Variants in MVB12B observed in about 807,000 individuals in gnomAD.
MVB12B encodes ESCRT-I complex subunit MVB12B.
A neutral mutation model predicts 41.6 loss-of-function variants in MVB12B; 16 were observed. The observed-to-expected ratio is 0.38, with a 90% confidence interval of 0.26 to 0.58. The LOEUF is 0.58. Among genes scored for constraint, MVB12B ranks in the 20% least tolerant of loss-of-function variants. The pLI, the probability that MVB12B is intolerant of heterozygous loss-of-function variation, is 0.62. For synonymous variants in MVB12B, 133 were observed against 139.7 expected (o/e 0.95, Z 0.34); for missense variants, 274 against 380.2 (o/e 0.72, Z 2.32).
intron 7 of MVB12B, among the ~76,000 whole-genome samples, chr9:126,424,581 G>A (rs1372745983): frequency 2.0e-5 from 3 of 152,226 alleles, no homozygotes; most frequent in Non-Finnish European, 2.9e-5. Flanking sequence ...ATCCTTCCTC[G>A]TTAAGCAGGG....
chr9:126,424,865 A>G (rs1832126290), intron 7 of MVB12B, among the ~76,000 whole-genome samples: 1 of 152,234 alleles, frequency 6.6e-6, no homozygotes, highest in South Asian at 2.1e-4. Context: ...CAGATGTGCA[A>G]AAAGATTTAT....
chr9:126,383,473 G>T (rs1009307755), intron 3 of MVB12B, among the ~76,000 whole-genome samples: 2 of 152,198 alleles, frequency 1.3e-5, no homozygotes. Context: ...ATATTAAACA[G>T]AAGGATTTAT....
At chr9:126,372,768 A>T (rs1830374052) in intron 2 of MVB12B, among the ~76,000 whole-genome samples, 1 of 152,208 alleles carries the variant, frequency 6.6e-6, no homozygotes, top group Admixed American at 6.5e-5. Flanking sequence ...ACTCGAATCT[A>T]CCCAACTTCA....
At chr9:126,397,182 C>T (rs1485405545) in intron 6 of MVB12B, 3 of 985,388 alleles carry the variant, frequency 3.0e-6, no homozygotes, top group African/African-American at 1.7e-5. Flanking sequence ...CAGCTGCTCC[C>T]TGCTGACATC....
At chr9:126,453,765 A>T (rs1832926153) in intron 7 of MVB12B, among the ~76,000 whole-genome samples, 1 of 152,232 alleles carries the variant, frequency 6.6e-6, no homozygotes, top group African/African-American at 2.4e-5. Flanking sequence ...TGCATGTGAC[A>T]CACAGCCTCA....
chr9:126,457,990 A>T (rs1833018297), intron 7 of MVB12B, among the ~76,000 whole-genome samples: 1 of 152,210 alleles, frequency 6.6e-6, no homozygotes, highest in Non-Finnish European at 1.5e-5. Context: ...ATAAAGACTG[A>T]GCAGAAAGCG....
At chr9:126,368,516 T>C (rs1450559354) in intron 2 of MVB12B, among the ~76,000 whole-genome samples, 3 of 152,216 alleles carry the variant, frequency 2.0e-5, no homozygotes, top group African/African-American at 7.2e-5. Flanking sequence ...GAGAACCTTG[T>C]CTTTAAAATT....
chr9:126,363,473 A>G (rs1830081286), intron 2 of MVB12B, among the ~76,000 whole-genome samples: 1 of 152,170 alleles, frequency 6.6e-6, no homozygotes, highest in African/African-American at 2.4e-5. Context: ...CTCCTTTCTT[A>G]AGGCCTATTG....
chr9:126,331,476 G>T (rs543468281), intron 1 of MVB12B, among the ~76,000 whole-genome samples: 4 of 152,084 alleles, frequency 2.6e-5, no homozygotes, highest in South Asian at 4.1e-4. Flanking sequence ...TTGTTTTTTT[G>T]TTGTTGATTT....
chr9:126,356,749 TGAGA>T (rs1829891339), intron 2 of MVB12B, among the ~76,000 whole-genome samples: 1 of 151,938 alleles, frequency 6.6e-6, no homozygotes, highest in Non-Finnish European at 1.5e-5. Context: ...GTGCTGTCCT[TGAGA>T]GAGAGAGTTC....
intron 2 of MVB12B, among the ~76,000 whole-genome samples, chr9:126,348,671 A>G (rs1829664154): frequency 2.6e-5 from 4 of 152,186 alleles, no homozygotes. Flanking sequence ...CTAATAATGA[A>G]ACGTCAATTA....
At chr9:126,461,120 AC>A (rs1833079083) in intron 7 of MVB12B, among the ~76,000 whole-genome samples, 1 of 152,142 alleles carries the variant, frequency 6.6e-6, no homozygotes, top group Non-Finnish European at 1.5e-5. Context: ...AGAAACTGGA[AC>A]CTCATAAGGA....
chr9:126,452,390 T>G (rs1489608472), intron 7 of MVB12B, among the ~76,000 whole-genome samples: 1 of 152,144 alleles, frequency 6.6e-6, no homozygotes, highest in Non-Finnish European at 1.5e-5. Context: ...GGACCAGCAC[T>G]GGGGACTCAG....
At chr9:126,497,895 C>T (rs979779815) in intron 9 of MVB12B, among the ~76,000 whole-genome samples, 19 of 152,318 alleles carry the variant, frequency 1.2e-4, no homozygotes, top group Admixed American at 9.2e-4. Flanking sequence ...CTTGTCAAAA[C>T]GCCCACACCC....
chr9:126,416,136 G>A (rs1038063912), intron 6 of MVB12B, among the ~76,000 whole-genome samples: 10 of 152,238 alleles, frequency 6.6e-5, no homozygotes, highest in African/African-American at 2.4e-4. Context: ...AGGCCCCGTG[G>A]GTTCTGCTGT....
At chr9:126,458,229 G>A (rs1329765313) in intron 7 of MVB12B, among the ~76,000 whole-genome samples, 1 of 152,174 alleles carries the variant, frequency 6.6e-6, no homozygotes, top group Non-Finnish European at 1.5e-5. Context: ...GAGCAAGCGG[G>A]TAAACGTCTC....
intron 3 of MVB12B, among the ~76,000 whole-genome samples, chr9:126,382,629 G>A (rs950687509): frequency 2.0e-5 from 3 of 152,138 alleles, no homozygotes; most frequent in African/African-American, 4.8e-5. Flanking sequence ...GCTGAGTAGA[G>A]GCTTCAGTTA....
In MVB12B at chr9:126,399,521, G is replaced by A. The variant is rs1243228623; in HGVS notation, c.662+3824G>A. Among the ~76,000 whole-genome samples, 4 of 152,208 alleles carry A rather than the reference G, an allele frequency of 2.6e-5. No individual in the cohort carries two copies. In the South Asian group the frequency reaches 6.2e-4, roughly 24 times the overall value. ...TGTCTGGGGCAGGGGGCCAAGAGAG[G>A]AAACACCTTCCTGGCCTCTATCAGA... is the stretch of plus-strand genomic sequence containing the variant. On this transcript the variant is annotated intron_variant, in intron 6 of 9. Transcript: ENST00000361171.
intron 1 of MVB12B, among the ~76,000 whole-genome samples, chr9:126,330,177 G>A (rs1036378309): frequency 1.3e-5 from 2 of 152,078 alleles, no homozygotes; most frequent in East Asian, 3.9e-4. Context: ...AGAAATGTGA[G>A]AGCCCTGTGG....
Sources: allele counts gnomAD v4.1 joint callset (sites outside exome capture counted in the v4.1 genomes callset), GRCh38; gene constraint gnomAD v4.1.1; transcripts MANE v1.5; gene names NCBI Gene and HGNC (gene_info 2026-07-23, HGNC 2026-07-21).